RPS6KA5: variants seen among roughly 807,000 people sequenced by gnomAD.
RPS6KA5 encodes the protein ribosomal protein S6 kinase A5, also known as ribosomal protein S6 kinase alpha-5.
A neutral mutation model predicts 85.5 loss-of-function variants in RPS6KA5; 27 were observed. That is an observed-to-expected ratio of 0.32 (90% CI 0.23 to 0.44). The LOEUF (loss-of-function observed/expected upper bound fraction) is 0.44. Ranked by LOEUF, RPS6KA5 falls within the 20% of genes least tolerant of loss-of-function variation. RPS6KA5 has a pLI of 1.00. For synonymous variants in RPS6KA5, 334 were observed against 348.2 expected (o/e 0.96, Z 0.46); for missense variants, 811 against 980.9 (o/e 0.83, Z 2.31).
At chr14:91,019,834 TCATG>T (rs2041671245) in intron 1 of RPS6KA5, among the ~76,000 whole-genome samples, 3 of 152,218 alleles carry the variant, frequency 2.0e-5, no homozygotes. Context: ...GTACATACAG[TCATG>T]CATCACTTAA....
At chr14:91,030,225 A>G (rs2042130655) in intron 1 of RPS6KA5, among the ~76,000 whole-genome samples, 1 of 152,184 alleles carries the variant, frequency 6.6e-6, no homozygotes. Context: ...AAGTCCTCAC[A>G]CTCGTAACAC....
chr14:90,954,314 G>T (rs1376231860), intron 3 of RPS6KA5, among the ~76,000 whole-genome samples: 1 of 152,218 alleles, frequency 6.6e-6, no homozygotes, highest in Non-Finnish European at 1.5e-5. Context: ...GGAAGAGTTT[G>T]TGAAGAACTG....
chr14:91,054,973 C>T (rs1033469124), intron 1 of RPS6KA5, among the ~76,000 whole-genome samples: 2 of 151,934 alleles, frequency 1.3e-5, no homozygotes, highest in African/African-American at 4.8e-5. Flanking sequence ...ACAAACTAGC[C>T]AATTTTAAAC....
intron 1 of RPS6KA5, among the ~76,000 whole-genome samples, chr14:91,009,906 G>A (rs751870643): frequency 1.3e-5 from 2 of 152,142 alleles, no homozygotes; most frequent in Non-Finnish European, 2.9e-5. Flanking sequence ...AGCCAGAGAA[G>A]TGGTTCAACT....
intron 3 of RPS6KA5, among the ~76,000 whole-genome samples, chr14:90,973,607 C>T (rs1297890799): frequency 6.6e-6 from 1 of 151,890 alleles, no homozygotes; most frequent in Non-Finnish European, 1.5e-5. Flanking sequence ...AGGATCCCTT[C>T]ACAGGGAACC....
chr14:91,050,603 AT>A (rs1401059853), intron 1 of RPS6KA5, among the ~76,000 whole-genome samples: 4 of 151,884 alleles, frequency 2.6e-5, no homozygotes, highest in Admixed American at 2.0e-4. Context: ...TAATTTTTGT[AT>A]TTTTAGTAGA....
In RPS6KA5 at chr14:90,900,664, T is replaced by C. The variant is rs1382996502; in HGVS notation, c.1192A>G (p.Met398Val). The C allele has an allele frequency of 2.5e-6, 4 of 1,613,886 alleles. No individual in the cohort carries two copies. The highest frequency in any genetic ancestry group is 3.4e-6 in the Non-Finnish European group (4 of 1,179,932). ...AAVIDPLQFH[M>V]GVERPGVTNV... Reference sequence around the variant, plus strand: ...GTCACTCCAGGACGTTCAACTCCCATGTGAAACTGAAGAGGGTCTATGACA... The same window carrying C: ...GTCACTCCAGGACGTTCAACTCCCACGTGAAACTGAAGAGGGTCTATGACA... The change falls in exon 10 of 17, where the codon ATG (methionine) becomes GTG (valine). Residue 398 changes from methionine to valine, a missense_variant. By Grantham distance (21) the Met-to-Val change is conservative. Coordinates refer to ENST00000614987, the MANE Select transcript of RPS6KA5 (RefSeq NM_004755.4).
At chr14:90,992,059 C>G (rs1339200268) in intron 2 of RPS6KA5, among the ~76,000 whole-genome samples, 2 of 152,100 alleles carry the variant, frequency 1.3e-5, no homozygotes, top group African/African-American at 2.4e-5. Flanking sequence ...ATGAAGACAT[C>G]TGATGAGTCT....
rs566188757 is a variant in RPS6KA5 at position 91,031,139 on chromosome 14, T to C, written c.103+29193A>G. On this transcript the variant is annotated intron_variant, in intron 1 of 16. Transcript: ENST00000614987. The stretch of plus-strand genomic sequence containing the variant: ...CCTTCCAGAGATTTTAAAAAATAGG[T>C]CACATACAAACCACTGGAAATAAGA... 5.0e-4 allele frequency among the ~76,000 whole-genome samples: 76 copies of C among 152,068 alleles called. 1 individual carries two copies. Among genetic ancestry groups the C allele is most frequent in the African/African-American group, 1.8e-3 (73 of 41,480 alleles).
At chr14:90,906,748 CCT>C (rs2035526422) in intron 7 of RPS6KA5, among the ~76,000 whole-genome samples, 2 of 152,100 alleles carry the variant, frequency 1.3e-5, no homozygotes, top group South Asian at 4.2e-4. Flanking sequence ...CTCCTCTTCC[CCT>C]GAGTGCCAGC....
At chr14:90,983,837 C>CTCTCTCTCTT (rs1555372472) in intron 2 of RPS6KA5, among the ~76,000 whole-genome samples, 6 of 137,888 alleles carry the variant, frequency 4.4e-5, no homozygotes, top group Admixed American at 7.1e-5. Context: ...CTCTCTCTCT[C>CTCTCTCTCTT]TCTTTCTTTT....
intron 1 of RPS6KA5, among the ~76,000 whole-genome samples, chr14:91,008,677 T>C (rs1371721502): frequency 6.6e-6 from 1 of 152,212 alleles, no homozygotes; most frequent in Non-Finnish European, 1.5e-5. Context: ...AAGACTGTTC[T>C]AACTAGCTAT....
chr14:90,910,595 C>T (rs747969383), intron 7 of RPS6KA5, among the ~76,000 whole-genome samples: 29 of 148,856 alleles, frequency 1.9e-4, no homozygotes, highest in Non-Finnish European at 4.3e-4. Flanking sequence ...ATAACAAAGA[C>T]CTGTCTCAAA....
chr14:90,951,747 C>T (rs528773231), intron 3 of RPS6KA5, among the ~76,000 whole-genome samples: 23 of 152,228 alleles, frequency 1.5e-4, no homozygotes, highest in African/African-American at 4.1e-4. Context: ...AGGTTCCGCT[C>T]GTTCTTTCCC....
intron 1 of RPS6KA5, among the ~76,000 whole-genome samples, chr14:91,030,192 G>T (rs181964634): frequency 6.6e-6 from 1 of 152,068 alleles, no homozygotes; most frequent in Non-Finnish European, 1.5e-5. Flanking sequence ...TGTCTGAAAC[G>T]GATTTAAGGA....
intron 1 of RPS6KA5, 41 bp from the exon 2 acceptor site, chr14:91,001,200 C>A: frequency 7.6e-7 from 1 of 1,324,406 alleles, no homozygotes; most frequent in Non-Finnish European, 1.1e-6. Flanking sequence ...AGAGGGTCAG[C>A]AATAGAAGGA....
chr14:90,924,606 T>C (rs551329764), intron 5 of RPS6KA5, among the ~76,000 whole-genome samples: 1 of 152,196 alleles, frequency 6.6e-6, no homozygotes, highest in Admixed American at 6.5e-5. Context: ...GCCCATACTA[T>C]AAGCAACTTT....
Position 90,862,459 on chromosome 14 carries a change from CTTCTT to C in RPS6KA5, c.*9610_*9614del, listed in dbSNP as rs1566662320. On this transcript the variant is annotated 3_prime_UTR_variant, in exon 17 of 17. Coordinates refer to ENST00000614987, the MANE Select transcript of RPS6KA5 (RefSeq NM_004755.4). ...CCTCCTCCTCCTCCTCCTCCTCCTT[CTTCTT>C]CTTCTTCTTCTTCTTTTTTTAATGC... 66 of 100,640 alleles carry C rather than the reference CTTCTT, an allele frequency of 6.6e-4. No homozygotes were observed. The highest frequency in any genetic ancestry group is 1.2e-3 in the Non-Finnish European group (50 of 43,202). The allele number at this position is 100,640 out of a possible 1,614,324, so 6.2% of individuals were successfully genotyped here.
chr14:90,962,590 ATT>A (rs34537107), intron 3 of RPS6KA5, among the ~76,000 whole-genome samples: 3 of 143,948 alleles, frequency 2.1e-5, no homozygotes, highest in Admixed American at 6.9e-5. Context: ...CCCGGCCTAG[ATT>A]TTTTTTTTTT....
Sources: gnomAD v4.1 joint callset for allele counts (sites outside exome capture counted in the v4.1 genomes callset) on GRCh38, gnomAD v4.1.1 for gene constraint, MANE v1.5 for transcripts, NCBI Gene and HGNC (gene_info 2026-07-23, HGNC 2026-07-21) for gene names.